Variants in KANSL3 observed in about 807,000 individuals in gnomAD.
KANSL3 encodes KAT8 regulatory NSL complex subunit 3.
KANSL3 carries 16 observed loss-of-function variants against 89.2 expected under a neutral mutation model. The observed-to-expected ratio is 0.18, with a 90% CI of 0.12 to 0.27. The LOEUF is 0.27. Among genes scored for constraint, KANSL3 ranks in the 10% least tolerant of loss-of-function variants. The pLI, the probability that KANSL3 is intolerant of heterozygous loss-of-function variation, is 1.00. For synonymous variants in KANSL3, 385 were observed against 419.7 expected (o/e 0.92, Z 1.01); for missense variants, 879 against 1,110.6 (o/e 0.79, Z 2.96).
intron 5 of KANSL3, among the ~76,000 whole-genome samples, chr2:96,617,241 T>C (rs1342884100): frequency 6.6e-6 from 1 of 152,018 alleles, no homozygotes; most frequent in Non-Finnish European, 1.5e-5. Flanking sequence ...CACTAGAAAA[T>C]ACACTCCACC....
chr2:96,586,085 C>T, the KANSL3 span, among the ~76,000 whole-genome samples: 2 of 151,984 alleles, frequency 1.3e-5, no homozygotes, highest in African/African-American at 4.8e-5. Flanking sequence ...ATTAGCTGGG[C>T]GTGGTGGCGG....
At chr2:96,585,827 C>T in the KANSL3 span, among the ~76,000 whole-genome samples, 1 of 152,086 alleles carries the variant, frequency 6.6e-6, no homozygotes, top group African/African-American at 2.4e-5. Context: ...CTGGATGGAG[C>T]TGAAGACCAT....
intron 3 of KANSL3, among the ~76,000 whole-genome samples, chr2:96,625,624 T>G (rs2105980319): frequency 6.6e-6 from 1 of 152,348 alleles, no homozygotes; most frequent in Non-Finnish European, 1.5e-5. Flanking sequence ...TAGAAAGCTA[T>G]TTAGAAATTA....
chr2:96,610,931 C>T (rs1558699451), intron 10 of KANSL3, 48 bp from the exon 11 acceptor site: 2 of 1,603,602 alleles, frequency 1.2e-6, no homozygotes, highest in Admixed American at 3.3e-5. Flanking sequence ...ATTCACAAAG[C>T]ACTGACCCAG....
intron 2 of KANSL3, 48 bp downstream of exon 2, chr2:96,636,863 TTCCCATCTGA>T: frequency 7.4e-7 from 1 of 1,349,366 alleles, no homozygotes; most frequent in Non-Finnish European, 9.9e-7. Flanking sequence ...CCTCTCTAAA[TTCCCATCTGA>T]TCACTGCCCA....
chr2:96,602,657 C>G (rs1485742082), intron 18 of KANSL3, 96 bp downstream of exon 18: 40 of 936,452 alleles, frequency 4.3e-5, no homozygotes, highest in Non-Finnish European at 6.2e-5. Context: ...TGTCCTTGAT[C>G]CACTGACTCC....
At chr2:96,633,568 CAAA>C (rs749429125) in intron 2 of KANSL3, among the ~76,000 whole-genome samples, 4 of 96,552 alleles carry the variant, frequency 4.1e-5, no homozygotes, top group African/African-American at 7.9e-5. Context: ...GACTCTGTCT[CAAA>C]AAAAAAAAAA....
chr2:96,623,410 G>A (rs751837801), intron 3 of KANSL3, among the ~76,000 whole-genome samples: 2 of 152,130 alleles, frequency 1.3e-5, no homozygotes, highest in African/African-American at 2.4e-5. Flanking sequence ...CACCCCACAA[G>A]ATACTCTAAT....
intron 20 of KANSL3, among the ~76,000 whole-genome samples, chr2:96,596,236 A>C (rs2066517769): frequency 6.6e-6 from 1 of 152,196 alleles, no homozygotes; most frequent in Non-Finnish European, 1.5e-5. Context: ...CCCCTTGGGA[A>C]ACTCCTAAGA....
the KANSL3 span, among the ~76,000 whole-genome samples, chr2:96,582,131 C>G: frequency 6.6e-6 from 1 of 152,134 alleles, no homozygotes; most frequent in Non-Finnish European, 1.5e-5. Context: ...TGGCTCACAT[C>G]TATAATCCCG....
At chr2:96,586,515 A>C in the KANSL3 span, among the ~76,000 whole-genome samples, 1 of 152,228 alleles carries the variant, frequency 6.6e-6, no homozygotes, top group Non-Finnish European at 1.5e-5. Flanking sequence ...AATGCTTTCA[A>C]ACTGAGGCCT....
At chr2:96,601,841 T>C (rs958138796) in intron 19 of KANSL3, 65 bp from the exon 20 acceptor site, 2 of 1,485,882 alleles carry the variant, frequency 1.3e-6, no homozygotes, top group Admixed American at 2.6e-5. Context: ...GAGGCTTTCC[T>C]TTCCTGGAGA....
chr2:96,600,098 A>G (rs2066967263), intron 20 of KANSL3, among the ~76,000 whole-genome samples: 2 of 152,230 alleles, frequency 1.3e-5, no homozygotes, highest in South Asian at 2.1e-4. Flanking sequence ...ATCTTCATAC[A>G]TCTACTCAGT....
chr2:96,622,703 C>T (rs2071531696), intron 3 of KANSL3, among the ~76,000 whole-genome samples: 1 of 152,158 alleles, frequency 6.6e-6, no homozygotes, highest in South Asian at 2.1e-4. Context: ...GCATGGACTC[C>T]ATGTCTTTCA....
chr2:96,610,307 G>A (rs900803887), intron 11 of KANSL3: 1 of 152,600 alleles, frequency 6.6e-6, no homozygotes, highest in African/African-American at 2.4e-5. Flanking sequence ...TTTTAATGCT[G>A]TCTTTTTTTA....
intron 17 of KANSL3, among the ~76,000 whole-genome samples, 161 bp from the exon 18 acceptor site, chr2:96,603,023 A>C (rs1377638184): frequency 6.6e-6 from 1 of 152,194 alleles, no homozygotes; most frequent in Non-Finnish European, 1.5e-5. Context: ...CCAACTAGGC[A>C]CACACGCAAT....
intron 2 of KANSL3, among the ~76,000 whole-genome samples, chr2:96,633,796 C>T (rs1383029533): frequency 1.3e-5 from 2 of 151,972 alleles, no homozygotes; most frequent in Admixed American, 6.6e-5. Context: ...ATCCGGGAGG[C>T]GGAGGTTACC....
chr2:96,619,791 T>A (rs2070898822), intron 3 of KANSL3, 29 bp from the exon 4 acceptor site: 1 of 1,523,940 alleles, frequency 6.6e-7, no homozygotes, highest in South Asian at 1.2e-5. Flanking sequence ...GGAATTATAG[T>A]CAAACCCTGG....
chr2:96,604,267 G>C lies in KANSL3; in HGVS notation c.2132C>G (p.Pro711Arg), dbSNP rs954265164. The change falls in exon 17 of 21, where the codon CCT (proline) becomes CGT (arginine). Residue 711 changes from proline (P) to arginine (R), a missense_variant. Pro to Arg is a moderately radical substitution (Grantham distance 103). Around this residue, in one of 6 missense-constraint regions of KANSL3, gnomAD observed 317 missense variants for 311.2 expected, o/e 1.02. Transcript: ENST00000431828. ...TLQSRLVATS[P>R]GSSLPGATSA... The stretch of plus-strand genomic sequence containing the variant: ...CAAGATACCTGGGAGGGAGCTGCCA[G>C]GAGATGTGGCCACCAGGCGGCTCTG... 1.2e-6 allele frequency: 2 copies of C among 1,609,600 alleles called. No individual in the cohort carries two copies. Among genetic ancestry groups the C allele is most frequent in the Non-Finnish European group, 1.7e-6 (2 of 1,178,306 alleles).
Sources: gnomAD v4.1 joint callset for allele counts (sites outside exome capture counted in the v4.1 genomes callset) on GRCh38, gnomAD v4.1.1 for gene constraint, gnomAD v4.1.1 regional missense constraint, MANE v1.5 for transcripts, NCBI Gene and HGNC (gene_info 2026-07-23, HGNC 2026-07-21) for gene names.